The following UVRAG variants were observed in gnomAD, a reference collection of about 807,000 sequenced individuals.
UVRAG encodes the protein UV radiation resistance associated.
In UVRAG, 19 loss-of-function variants were observed where a neutral mutation model predicts 78.0. The observed-to-expected ratio is 0.24, with a 90% CI of 0.17 to 0.36. The LOEUF (loss-of-function observed/expected upper bound fraction) is 0.36, where lower values mean the gene tolerates loss of function less well. Ranked by LOEUF, UVRAG falls within the 10% of genes least tolerant of loss-of-function variation. The pLI is 1.00. For synonymous variants in UVRAG, 323 were observed against 324.6 expected, an observed-to-expected ratio of 1.00 and a Z score of 0.05; for missense variants, 740 against 853.8, an observed-to-expected ratio of 0.87 and a Z score of 1.66.
intron 1 of UVRAG, among the ~76,000 whole-genome samples, chr11:75,819,854 A>G (rs575949889): frequency 2.4e-3 from 370 of 152,108 alleles, no homozygotes; most frequent in Non-Finnish European, 4.2e-3. Context: ...CTGTAATCCC[A>G]GCTATTTGGA....
At chr11:75,846,664 A>C (rs535041900) in intron 1 of UVRAG, among the ~76,000 whole-genome samples, 1 of 150,288 alleles carries the variant, frequency 6.7e-6, no homozygotes, top group South Asian at 2.1e-4. Context: ...GTTGTCTTTG[A>C]ATTGTGTTTG....
chr11:75,852,291 A>G (rs1181087119), intron 2 of UVRAG, among the ~76,000 whole-genome samples: 1 of 152,218 alleles, frequency 6.6e-6, no homozygotes, highest in East Asian at 1.9e-4. Flanking sequence ...AGTATCCTGT[A>G]GTAATTTTAC....
intron 6 of UVRAG, among the ~76,000 whole-genome samples, chr11:75,960,253 CA>C: frequency 6.7e-6 from 1 of 150,102 alleles, no homozygotes; most frequent in Non-Finnish European, 1.5e-5. Flanking sequence ...CACAATAAAG[CA>C]AAATGCAGTA....
chr11:76,023,555 C>T (rs1246999511), intron 12 of UVRAG, among the ~76,000 whole-genome samples: 6 of 152,060 alleles, frequency 3.9e-5, no homozygotes. Flanking sequence ...GGGAAAGTGA[C>T]TTGCATTAGT....
chr11:75,973,824 C>T (rs148924228), intron 7 of UVRAG, among the ~76,000 whole-genome samples: 8 of 152,154 alleles, frequency 5.3e-5, no homozygotes, highest in East Asian at 1.9e-4. Flanking sequence ...TCTGTCCTTG[C>T]GATAGTTTGC....
At chr11:76,084,897 A>G (rs1951557394) in intron 13 of UVRAG, among the ~76,000 whole-genome samples, 2 of 151,728 alleles carry the variant, frequency 1.3e-5, no homozygotes, top group Non-Finnish European at 2.9e-5. Flanking sequence ...CATTTCTACT[A>G]AAAATGCCCC....
At chr11:76,094,186 C>T (rs898846731) in intron 13 of UVRAG, among the ~76,000 whole-genome samples, 2 of 152,158 alleles carry the variant, frequency 1.3e-5, no homozygotes, top group Non-Finnish European at 2.9e-5. Context: ...GTTGAACCAG[C>T]CTTGCATCCC....
chr11:75,938,423 A>G lies in UVRAG; in HGVS notation c.594-23021A>G, dbSNP rs142830236. 1.9e-3 allele frequency among the ~76,000 whole-genome samples: 297 copies of G among 152,318 alleles called. 1 individual carries two copies. Among genetic ancestry groups the G allele is most frequent in the African/African-American group, 6.7e-3 (278 of 41,562 alleles). On this transcript the variant is annotated intron_variant, in intron 6 of 14. Transcript: ENST00000356136. ...AGTCATTTTTAATTGGATGTCAGGC[A>G]TTGTCAATTTTACCTTATTGTTTGT...
intron 1 of UVRAG, among the ~76,000 whole-genome samples, chr11:75,817,131 T>C (rs1945276908): frequency 6.6e-6 from 1 of 151,792 alleles, no homozygotes; most frequent in Admixed American, 6.6e-5. Flanking sequence ...GTCTCTGGAG[T>C]GAGCATTAAT....
intron 13 of UVRAG, among the ~76,000 whole-genome samples, chr11:76,073,345 A>G (rs565941186): frequency 1.3e-5 from 2 of 152,268 alleles, no homozygotes; most frequent in South Asian, 2.1e-4. Context: ...CTGACAAATT[A>G]TGGTTATTTA....
intron 13 of UVRAG, among the ~76,000 whole-genome samples, chr11:76,112,737 T>A (rs1251620903): frequency 6.6e-6 from 1 of 151,708 alleles, no homozygotes; most frequent in Non-Finnish European, 1.5e-5. Flanking sequence ...TTTCTTTTTT[T>A]TTTTTTGAGA....
chr11:75,919,649 A>G (rs984421371), intron 6 of UVRAG, among the ~76,000 whole-genome samples: 3 of 152,230 alleles, frequency 2.0e-5, no homozygotes, highest in Admixed American at 6.5e-5. Context: ...AAAGAAAAAA[A>G]CATAGCTAGC....
chr11:75,953,212 C>G (rs1282996743), intron 6 of UVRAG, among the ~76,000 whole-genome samples: 2 of 152,102 alleles, frequency 1.3e-5, no homozygotes, highest in Non-Finnish European at 2.9e-5. Context: ...TAGGACAGAG[C>G]CATTTGTTAC....
chr11:75,988,930 C>T (rs558540779), intron 8 of UVRAG, among the ~76,000 whole-genome samples: 3 of 151,994 alleles, frequency 2.0e-5, no homozygotes, highest in Non-Finnish European at 4.4e-5. Flanking sequence ...TGGATGGTAA[C>T]GTTATTATTA....
At chr11:76,062,381 T>G (rs1191580451) in intron 12 of UVRAG, among the ~76,000 whole-genome samples, 1 of 152,354 alleles carries the variant, frequency 6.6e-6, no homozygotes, top group Non-Finnish European at 1.5e-5. Context: ...TTTGTCGCCC[T>G]TCTCTACTTG....
chr11:75,842,050 C>T (rs1310962447), intron 1 of UVRAG, among the ~76,000 whole-genome samples: 1 of 152,156 alleles, frequency 6.6e-6, no homozygotes, highest in Non-Finnish European at 1.5e-5. Flanking sequence ...CTGTGGAGAA[C>T]ACCTATGAAG....
chr11:75,998,301 G>A lies in UVRAG; in HGVS notation c.827-5704G>A, dbSNP rs563903168. ...AATCAGTCTAATCACTTATTCATGG[G>A]TTTGAAAGGAGCACTAAGGATCATC... On this transcript the variant is annotated intron_variant, in intron 8 of 14. Coordinates refer to ENST00000356136, the MANE Select transcript of UVRAG (RefSeq NM_003369.4). Among the ~76,000 whole-genome samples the A allele has an allele frequency of 3.9e-3, 599 of 152,238 alleles. 3 individuals carry two copies. The highest frequency in any genetic ancestry group is 0.013 in the African/African-American group (549 of 41,530).
chr11:75,998,212 G>A (rs1418627439), intron 8 of UVRAG, among the ~76,000 whole-genome samples: 1 of 152,186 alleles, frequency 6.6e-6, no homozygotes. Flanking sequence ...GCACTAAGGG[G>A]TGAGGCTTTT....
At chr11:75,993,444 A>G (rs1198289220) in intron 8 of UVRAG, among the ~76,000 whole-genome samples, 3 of 152,008 alleles carry the variant, frequency 2.0e-5, no homozygotes, top group Non-Finnish European at 2.9e-5. Flanking sequence ...TAGTGTATAT[A>G]TTTTCATTTC....
Sources: gnomAD v4.1 joint callset for allele counts (sites outside exome capture counted in the v4.1 genomes callset) on GRCh38, gnomAD v4.1.1 for gene constraint, MANE v1.5 for transcripts, NCBI Gene and HGNC (gene_info 2026-07-23, HGNC 2026-07-21) for gene names.